Variants in KCNN2 observed in about 807,000 individuals in gnomAD.
The protein encoded by KCNN2 is small conductance calcium-activated potassium channel protein 2.
A neutral mutation model predicts 55.5 loss-of-function variants in KCNN2; 24 were observed. The ratio of observed to expected loss-of-function variants is 0.43; its 90% CI spans 0.31 to 0.61. The LOEUF (loss-of-function observed/expected upper bound fraction) is 0.61. KCNN2 is among the 20% of genes least tolerant of loss of function. The probability of loss-of-function intolerance (pLI) is 0.08; values close to 1 mark genes in which losing one functional copy is unlikely to be tolerated. For missense variants in KCNN2, 754 were observed against 853.6 expected (o/e 0.88, Z 1.45); for synonymous variants, 431 against 336.1 (o/e 1.28, Z -3.09).
chr5:114,252,750 G>A (rs1754894310), intron 2 of KCNN2, among the ~76,000 whole-genome samples: 1 of 146,222 alleles, frequency 6.8e-6, no homozygotes, highest in Admixed American at 7.0e-5. Context: ...AAAGTTTGGT[G>A]TTTTCATGGC....
chr5:114,224,940 A>T (rs1261276954), intron 2 of KCNN2, among the ~76,000 whole-genome samples: 1 of 152,156 alleles, frequency 6.6e-6, no homozygotes, highest in Non-Finnish European at 1.5e-5. Flanking sequence ...CTAGATAGTA[A>T]AACTTTCTAA....
At chr5:114,429,862 T>C (rs1313799908) in intron 3 of KCNN2, among the ~76,000 whole-genome samples, 2 of 148,488 alleles carry the variant, frequency 1.3e-5, no homozygotes, top group Non-Finnish European at 3.0e-5. Context: ...TGCCCTGTTG[T>C]TCTAGCATCA....
intron 1 of KCNN2, among the ~76,000 whole-genome samples, chr5:114,082,684 C>T (rs894744218): frequency 3.3e-5 from 5 of 152,114 alleles, no homozygotes; most frequent in African/African-American, 1.2e-4. Context: ...TAACCATCAG[C>T]AGATGAATGG....
At chr5:114,058,088 G>A (rs1017359798) in intron 1 of KCNN2, among the ~76,000 whole-genome samples, 4 of 152,170 alleles carry the variant, frequency 2.6e-5, no homozygotes, top group African/African-American at 9.6e-5. Flanking sequence ...ATGTTCGACA[G>A]AAGACATGCA....
Position 114,309,982 on chromosome 5 carries a change from C to T in KCNN2, c.-184-50963C>T, listed in dbSNP as rs1756363891. On this transcript the variant is annotated intron_variant, in intron 2 of 10. Transcript: ENST00000512097. ...GTTTCAACCCAAATGCAGTTTATTT[C>T]ACAAAAGACTTTCCTTACTCCTCTC... is the stretch of plus-strand genomic sequence containing the variant. Among the ~76,000 whole-genome samples the T allele has an allele frequency of 2.6e-5, 4 of 152,298 alleles. No individual in the cohort carries two copies. The South Asian group carries it at 8.3e-4, about 32-fold the overall frequency.
At chr5:114,315,183 T>C (rs527863869) in intron 2 of KCNN2, among the ~76,000 whole-genome samples, 2 of 152,272 alleles carry the variant, frequency 1.3e-5, no homozygotes, top group African/African-American at 4.8e-5. Flanking sequence ...TCTGTGGCCT[T>C]GTATGTTGTG....
At chr5:114,495,749 G>A (rs894995416) in intron 7 of KCNN2, 146 bp from the exon 8 acceptor site, 10 of 704,320 alleles carry the variant, frequency 1.4e-5, no homozygotes, top group Non-Finnish European at 2.5e-5. Context: ...ACAATGAGTT[G>A]GCTTTGCAAG....
In KCNN2 at chr5:114,088,841, G is replaced by C. The variant is rs530728119; in HGVS notation, c.-271+32341G>C. Among the ~76,000 whole-genome samples, 7 of 152,160 alleles carry C rather than the reference G, an allele frequency of 4.6e-5. No homozygotes were observed. In the East Asian group the frequency reaches 1.4e-3, roughly 29 times the overall value. The stretch of plus-strand genomic sequence containing the variant: ...TTACCATGTTGGTCAGACTGGTCTC[G>C]AACTCCTGACCTCAAGTGATCCACC... On this transcript the variant is annotated intron_variant, in intron 1 of 10. Transcript: ENST00000512097.
At chr5:114,435,804 T>G (rs1288224666) in intron 3 of KCNN2, among the ~76,000 whole-genome samples, 1 of 152,224 alleles carries the variant, frequency 6.6e-6, no homozygotes, top group African/African-American at 2.4e-5. Context: ...TGTTTTTACA[T>G]GAATATGAAA....
intron 3 of KCNN2, among the ~76,000 whole-genome samples, chr5:114,452,705 C>A (rs886695276): frequency 6.6e-6 from 1 of 152,102 alleles, no homozygotes; most frequent in Admixed American, 6.5e-5. Context: ...GCACAGGATT[C>A]CTTTTAACAC....
chr5:114,203,366 G>A (rs1406199883), intron 1 of KCNN2, among the ~76,000 whole-genome samples: 1 of 152,010 alleles, frequency 6.6e-6, no homozygotes, highest in Non-Finnish European at 1.5e-5. Flanking sequence ...GTTCCTTGCG[G>A]GATGCTCACA....
At chr5:114,285,420 T>A (rs1229659078) in intron 2 of KCNN2, among the ~76,000 whole-genome samples, 1 of 151,804 alleles carries the variant, frequency 6.6e-6, no homozygotes, top group Non-Finnish European at 1.5e-5. Context: ...AGTGGTTTAA[T>A]AATGTTAGAA....
chr5:114,081,233 T>C (rs898320810), intron 1 of KCNN2, among the ~76,000 whole-genome samples: 1 of 152,100 alleles, frequency 6.6e-6, no homozygotes, highest in Admixed American at 6.6e-5. Flanking sequence ...AATCTACAGA[T>C]TCAATGCACT....
intron 3 of KCNN2, among the ~76,000 whole-genome samples, chr5:114,439,665 A>G (rs1238503110): frequency 6.6e-6 from 1 of 152,148 alleles, no homozygotes; most frequent in Admixed American, 6.5e-5. Flanking sequence ...TGATTTCACT[A>G]TGTACTAATA....
At chr5:114,166,722 T>C (rs1444142751) in intron 1 of KCNN2, among the ~76,000 whole-genome samples, 11 of 152,096 alleles carry the variant, frequency 7.2e-5, no homozygotes, top group Admixed American at 7.2e-4. Context: ...ATGGGCTGAA[T>C]GTTTGCATTT....
intron 2 of KCNN2, among the ~76,000 whole-genome samples, chr5:114,368,258 A>C (rs1757663212): frequency 6.6e-6 from 1 of 152,220 alleles, no homozygotes; most frequent in Non-Finnish European, 1.5e-5. Context: ...ACCAAGGGAC[A>C]ACTGTAATTA....
At chr5:114,352,305 CTCTT>C (rs1485775353) in intron 2 of KCNN2, among the ~76,000 whole-genome samples, 1 of 151,442 alleles carries the variant, frequency 6.6e-6, no homozygotes, top group South Asian at 2.1e-4. Context: ...GCTCTTCTCT[CTCTT>C]TCTCTTTCTT....
At chr5:114,115,054 T>TG (rs774528729) in intron 1 of KCNN2, among the ~76,000 whole-genome samples, 1 of 152,168 alleles carries the variant, frequency 6.6e-6, no homozygotes, top group Non-Finnish European at 1.5e-5. Flanking sequence ...AGAATTGCTG[T>TG]GGTGACATGG....
At chr5:114,066,130 C>G (rs1053194848) in intron 1 of KCNN2, among the ~76,000 whole-genome samples, 4 of 152,128 alleles carry the variant, frequency 2.6e-5, no homozygotes, top group Non-Finnish European at 5.9e-5. Context: ...CAGCAATCAA[C>G]TTGGGTTAGC....
Sources: allele counts gnomAD v4.1 joint callset (sites outside exome capture counted in the v4.1 genomes callset), GRCh38; gene constraint gnomAD v4.1.1; transcripts MANE v1.5; gene names NCBI Gene and HGNC (gene_info 2026-07-23, HGNC 2026-07-21).